The following STIL variants were observed in gnomAD, a reference collection of about 807,000 sequenced individuals.
The protein encoded by STIL is STIL centriolar assembly protein.
Under a neutral mutation model 110.1 loss-of-function variants are expected in STIL, and 55 were observed. That is an observed-to-expected ratio of 0.50 (90% CI 0.40 to 0.63). The LOEUF is 0.63. Ranked by LOEUF, STIL falls within the 20% of genes least tolerant of loss-of-function variation. The probability of loss-of-function intolerance (pLI) is 0.00; values close to 1 mark genes in which losing one functional copy is unlikely to be tolerated. For synonymous variants in STIL, 481 were observed against 530.0 expected, an observed-to-expected ratio of 0.91 and a Z score of 1.27; for missense variants, 1,358 against 1,530.0, an observed-to-expected ratio of 0.89 and a Z score of 1.87.
chr1:47,300,889 A>G (rs907680990), intron 5 of STIL, among the ~76,000 whole-genome samples: 5 of 152,120 alleles, frequency 3.3e-5, no homozygotes, highest in Non-Finnish European at 7.4e-5. Context: ...TGTCCTTCCT[A>G]GTTTCACTGC....
chr1:47,260,621 C>T lies in STIL; in HGVS notation c.2830-82G>A, dbSNP rs531221797. The T allele has an allele frequency of 5.5e-6, 8 of 1,461,592 alleles. No individual in the cohort carries two copies. The African/African-American group carries it at 1.1e-4, about 20-fold the overall frequency. 90.5% of individuals were successfully genotyped at this position (1,461,592 alleles called of 1,614,324 possible). On this transcript the variant is annotated intron_variant, in intron 15 of 16. Transcript: ENST00000371877. The stretch of plus-strand genomic sequence containing the variant: ...GGTGTGGTGGTTCACACCTATAATC[C>T]CAGCACTTTGGGAAGCCAAGGCAGG...
chr1:47,295,470 C>T (rs1215337350), intron 7 of STIL, among the ~76,000 whole-genome samples: 1 of 151,930 alleles, frequency 6.6e-6, no homozygotes, highest in Non-Finnish European at 1.5e-5. Context: ...ATCCCAGCTA[C>T]TTAGGAGGCT....
At chr1:47,285,340 T>A (rs11578112) in intron 10 of STIL, among the ~76,000 whole-genome samples, 22,231 of 152,264 alleles carry the variant, frequency 0.15, 2,152 homozygotes, top group Non-Finnish European at 0.22. Context: ...CCTCTACCTG[T>A]AGACTTTGGA....
At position 47,282,364 on chromosome 1, in the gene STIL, G is replaced by C. The variant is rs202194355; in HGVS notation, c.1229C>G (p.Pro410Arg). ...TGATACCTTCTGACTCACTGGATGA[G>C]GACTAGGAATTGGTCTTGGAGAAAA... ...EDFSPRPIPS[P>R]HPVSQKISKI... Residue 410 changes from proline (P) to arginine (R), a missense_variant, in exon 11 of 17, where the codon CCT (proline) becomes CGT (arginine). Physicochemically the swap from Pro to Arg is moderately radical, Grantham distance 103. Transcript: ENST00000371877. 437 of 1,611,186 alleles carry C rather than the reference G, an allele frequency of 2.7e-4. No individual in the cohort carries two copies. Among genetic ancestry groups the C allele is most frequent in the Non-Finnish European group, 3.6e-4 (422 of 1,178,266 alleles).
chr1:47,310,903 C>G (rs1431716448), intron 1 of STIL, among the ~76,000 whole-genome samples: 3 of 152,098 alleles, frequency 2.0e-5, no homozygotes, highest in Non-Finnish European at 4.4e-5. Context: ...GGCTGGAGTG[C>G]AGCAGTGCGA....
intron 16 of STIL, among the ~76,000 whole-genome samples, chr1:47,257,350 T>A (rs755359641): frequency 6.6e-6 from 1 of 151,940 alleles, no homozygotes; most frequent in Non-Finnish European, 1.5e-5. Flanking sequence ...CAAAATGACA[T>A]AGAGATGATG....
At chr1:47,269,472 G>C (rs181159388) in intron 14 of STIL, among the ~76,000 whole-genome samples, 163 bp downstream of exon 14, 235 of 152,242 alleles carry the variant, frequency 1.5e-3, no homozygotes, top group Middle Eastern at 3.4e-3. Context: ...CACAGAAAAA[G>C]TTAAGTATGT....
At chr1:47,272,493 T>C (rs1176323166) in intron 12 of STIL, among the ~76,000 whole-genome samples, 1 of 151,854 alleles carries the variant, frequency 6.6e-6, no homozygotes, top group Admixed American at 6.6e-5. Context: ...TCACCCAGGC[T>C]GTCACCCAGC....
At chr1:47,272,904 A>G (rs974611795) in intron 12 of STIL, among the ~76,000 whole-genome samples, 2 of 152,174 alleles carry the variant, frequency 1.3e-5, no homozygotes, top group African/African-American at 4.8e-5. Flanking sequence ...ATCACACAAG[A>G]TTATTATAAA....
chr1:47,254,903 A>G (rs907372173), intron 16 of STIL, among the ~76,000 whole-genome samples: 5 of 152,224 alleles, frequency 3.3e-5, no homozygotes, highest in African/African-American at 1.2e-4. Flanking sequence ...ATATCAGTTT[A>G]GAAGGCTATT....
rs564419897 is a variant in STIL at position 47,282,447 on chromosome 1, C to T, written c.1146G>A (p.Lys382=). ...GTATTGGCATCTTCCCAGAAGATAA[C>T]TTTTGGGAAGACCTAAAGAATAGAA... is the stretch of plus-strand genomic sequence containing the variant. ...KNFSIKRSSQ[K]LSSGKMPIHD... is the part of the protein sequence containing the mutation. The change falls in exon 11 of 17, where the codon AAG becomes AAA. Residue 382 remains lysine (K), a synonymous_variant. Transcript: ENST00000371877. The T allele has an allele frequency of 9.1e-5, 147 of 1,610,568 alleles. 4 individuals are homozygous for T. The South Asian group carries it at 1.4e-3, about 15-fold the overall frequency.
At chr1:47,288,278 C>A (rs75829391) in intron 9 of STIL, among the ~76,000 whole-genome samples, 10,467 of 151,598 alleles carry the variant, frequency 0.069, 1,190 homozygotes, top group African/African-American at 0.24. Context: ...TATAATGACA[C>A]CTAGTTTCAA....
intron 14 of STIL, among the ~76,000 whole-genome samples, chr1:47,269,109 T>G (rs1644745339): frequency 6.6e-6 from 1 of 151,840 alleles, no homozygotes; most frequent in South Asian, 2.1e-4. Flanking sequence ...AAAAAAAAAT[T>G]TCTCCATCTG....
At chr1:47,252,778 T>TAC (rs3043070) in intron 16 of STIL, among the ~76,000 whole-genome samples, 23,625 of 139,938 alleles carry the variant, frequency 0.17, 2,080 homozygotes, top group Middle Eastern at 0.26. Context: ...TATGGGCTTA[T>TAC]ACACACACAC....
At chr1:47,311,782 C>G (rs1646133445) in intron 1 of STIL, among the ~76,000 whole-genome samples, 1 of 152,214 alleles carries the variant, frequency 6.6e-6, no homozygotes, top group Non-Finnish European at 1.5e-5. Flanking sequence ...TGTGGGAGCT[C>G]ATTCCTGTAA....
In STIL at chr1:47,255,307, T is replaced by G. The variant is rs541131347; in HGVS notation, c.3081-3385A>C. On this transcript the variant is annotated intron_variant, in intron 16 of 16. Transcript: ENST00000371877. Reference sequence around the variant, plus strand: ...GGAATGATGAAAGTCCATGAATAAATTTGAGTTAGCCACATGTCAACAATT... The same window carrying G: ...GGAATGATGAAAGTCCATGAATAAAGTTGAGTTAGCCACATGTCAACAATT... 6.6e-5 allele frequency among the ~76,000 whole-genome samples: 10 copies of G among 152,290 alleles called. No individual in the cohort carries two copies. The South Asian group carries it at 1.0e-3, about 16-fold the overall frequency.
intron 8 of STIL, among the ~76,000 whole-genome samples, chr1:47,291,379 AAAAT>A (rs1483627357): frequency 6.6e-6 from 1 of 151,808 alleles, no homozygotes; most frequent in Non-Finnish European, 1.5e-5. Context: ...TAAGTAAAAT[AAAAT>A]AAATAAATAA....
At position 47,251,548 on chromosome 1, in the gene STIL, T is replaced by C. The variant is rs897325216; in HGVS notation, c.3455A>G (p.Tyr1152Cys). The change falls in exon 17 of 17, where the codon TAT (tyrosine) becomes TGT (cysteine). Residue 1152 changes from tyrosine (Y) to cysteine (C), a missense_variant. Physicochemically the swap from Tyr to Cys is radical, Grantham distance 194. Transcript: ENST00000371877. ...PPDNADSKSE[Y>C]LLNQNLRSIP... ...GGACCTAAGGTTCTGATTCAATAAA[T>C]ATTCACTCTTGCTATCTGCATTGTC... 3.1e-6 allele frequency: 5 copies of C among 1,614,076 alleles called. No individual in the cohort carries two copies. The highest frequency in any genetic ancestry group is 4.2e-6 in the Non-Finnish European group (5 of 1,180,042).
At chr1:47,305,057 T>C (rs1645914656) in intron 2 of STIL, 61 bp from the exon 3 acceptor site, 4 of 1,200,118 alleles carry the variant, frequency 3.3e-6, no homozygotes, top group Non-Finnish European at 4.9e-6. Context: ...AGACATTTGG[T>C]AGGAAACAAC....
Sources: gnomAD v4.1 joint callset for allele counts (sites outside exome capture counted in the v4.1 genomes callset) on GRCh38, gnomAD v4.1.1 for gene constraint, MANE v1.5 for transcripts, NCBI Gene and HGNC (gene_info 2026-07-23, HGNC 2026-07-21) for gene names.